ATAD3B: variants seen among roughly 807,000 people sequenced by gnomAD.
The protein encoded by ATAD3B is ATPase family AAA domain-containing protein 3B.
In ATAD3B, 59 loss-of-function variants were observed where a neutral mutation model predicts 70.2. That is an observed-to-expected ratio of 0.84 (90% CI 0.68 to 1.04). The LOEUF (loss-of-function observed/expected upper bound fraction) is 1.04, where lower values mean the gene tolerates loss of function less well. Among genes scored for constraint, ATAD3B ranks in the 50% least tolerant of loss-of-function variants. The pLI is 0.00. For synonymous variants in ATAD3B, 423 were observed against 388.6 expected (o/e 1.09, Z -1.04); for missense variants, 961 against 913.4 (o/e 1.05, Z -0.67).
At chr1:1,483,326 C>G (rs1423702150) in intron 7 of ATAD3B, among the ~76,000 whole-genome samples, 2 of 151,408 alleles carry the variant, frequency 1.3e-5, no homozygotes. Context: ...AATTAGCAGG[C>G]CAAGGTGGCG....
intron 1 of ATAD3B, among the ~76,000 whole-genome samples, chr1:1,475,037 A>G (rs865962164): frequency 5.4e-5 from 8 of 148,922 alleles, no homozygotes; most frequent in African/African-American, 1.3e-4. Context: ...GCAGTGGTAC[A>G]GGCCTGGTTG....
chr1:1,503,954 TTTGCA>T, the ATAD3B span, among the ~76,000 whole-genome samples: 16 of 152,042 alleles, frequency 1.1e-4, no homozygotes, highest in Admixed American at 1.3e-4. Flanking sequence ...CAGAATTTTT[TTTGCA>T]TTGCATTGCA....
chr1:1,481,524 G>T (rs1162153060), intron 5 of ATAD3B, among the ~76,000 whole-genome samples: 1 of 63,836 alleles, frequency 1.6e-5, no homozygotes, highest in Non-Finnish European at 3.0e-5. Flanking sequence ...ACAGGTATTT[G>T]GTGCCATGTG....
chr1:1,503,750 T>C, the ATAD3B span: 86 of 1,563,580 alleles, frequency 5.5e-5, no homozygotes, highest in Admixed American at 1.8e-4. Context: ...TGGGTAGGGC[T>C]GGTGGCATGT....
chr1:1,495,634 C>T lies in ATAD3B; in HGVS notation c.1764C>T (p.Val588=), dbSNP rs1187976692. The change falls in exon 16 of 16, where the codon GTC becomes GTT. Residue 588 remains valine, a synonymous_variant. Transcript: ENST00000673477. ...GGGTCGAGCACCCCCTATCCGGAGT[C>T]CAAGGCGAGACCCTCACCTCATGGA... ...GRGVEHPLSG[V]QGETLTSWSL... is the part of the protein sequence containing the mutation. The T allele has an allele frequency of 1.2e-6, 2 of 1,612,922 alleles. No individual in the cohort carries two copies. The highest frequency in any genetic ancestry group is 2.2e-5 in the East Asian group (1 of 44,876).
the ATAD3B span, chr1:1,509,239 C>T: frequency 9.3e-6 from 15 of 1,612,928 alleles, no homozygotes; most frequent in Admixed American, 1.0e-4. Flanking sequence ...GGGGTCCTGA[C>T]CGAGGCCATG....
At chr1:1,508,692 T>C in the ATAD3B span, among the ~76,000 whole-genome samples, 4,056 of 150,274 alleles carry the variant, frequency 0.027, 209 homozygotes, top group African/African-American at 0.067. Context: ...GCTCCAGCCT[T>C]CACATGCTAG....
the ATAD3B span, chr1:1,503,470 G>A: frequency 2.1e-6 from 2 of 935,198 alleles, no homozygotes; most frequent in Admixed American, 4.2e-5. Context: ...AGGGCTGGGG[G>A]CTTTGAGGTC....
At chr1:1,500,453 G>C (rs1202936531), downstream of ATAD3B, among the ~76,000 whole-genome samples, 1 of 149,158 alleles carries the variant, frequency 6.7e-6, no homozygotes, top group African/African-American at 2.4e-5. Flanking sequence ...TCAGGAGGCT[G>C]AGGCAGGAGA....
Position 1,495,533 on chromosome 1 carries a change from G to C in ATAD3B, c.1663G>C (p.Asp555His). The C allele has an allele frequency of 6.2e-7, 1 of 1,612,624 alleles. No individual in the cohort carries two copies. Among genetic ancestry groups the C allele is most frequent in the Non-Finnish European group, 8.5e-7 (1 of 1,179,014 alleles). Residue 555 changes from aspartate (D) to histidine (H), a missense_variant, in exon 16 of 16, where the codon GAC (aspartate) becomes CAC (histidine). Around this residue, in one of 4 missense-constraint regions of ATAD3B, gnomAD observed 417 missense variants for 335.0 expected, o/e 1.24. Transcript: ENST00000673477. Reference sequence around the variant, plus strand: ...CGGGGTCCTCACTGAGGCCATGATGGACGCCTGTGTGCAAGATGCTGTCCA... The same window carrying C: ...CGGGGTCCTCACTGAGGCCATGATGCACGCCTGTGTGCAAGATGCTGTCCA... ...KDGVLTEAMMDACVQDAVQQY... is the reference protein window; with the variant it reads ...KDGVLTEAMMHACVQDAVQQY...
In ATAD3B at chr1:1,495,787, G is replaced by A. The variant is rs151150667; in HGVS notation, c.1917G>A (p.Pro639=). The A allele has an allele frequency of 1.3e-4, 215 of 1,597,692 alleles. No individual in the cohort carries two copies. The African/African-American group carries it at 1.8e-3, about 14-fold the overall frequency. Residue 639 remains proline, a synonymous_variant, in exon 16 of 16, where the codon CCG becomes CCA. Transcript: ENST00000673477. The part of the protein sequence containing the change: ...SPRMSCGGGR[P]FCPPGHPLL ...GGATGTCTTGTGGTGGCGGTCGGCC[G>A]TTCTGCCCCCCAGGGCACCCCCTGT... is the stretch of plus-strand genomic sequence containing the variant.
chr1:1,505,605 C>T, the ATAD3B span, among the ~76,000 whole-genome samples: 7 of 152,266 alleles, frequency 4.6e-5, no homozygotes, highest in African/African-American at 9.6e-5. Context: ...GCTTAGGTCA[C>T]GGGTGCCTTC....
chr1:1,489,488 C>T, intron 13 of ATAD3B: 3 of 1,042,010 alleles, frequency 2.9e-6, no homozygotes, highest in Non-Finnish European at 4.1e-6. Flanking sequence ...GGGGTCAGTC[C>T]TGTCTTCACG....
chr1:1,478,425 G>C, intron 2 of ATAD3B: 1 of 1,515,734 alleles, frequency 6.6e-7, no homozygotes, highest in South Asian at 1.3e-5. Context: ...CTCCCCGGGG[G>C]CCTTCGCAGG....
chr1:1,499,261 G>A (rs1640889082), downstream of ATAD3B, among the ~76,000 whole-genome samples: 2 of 149,890 alleles, frequency 1.3e-5, no homozygotes, highest in South Asian at 2.1e-4. Flanking sequence ...GTGAGCCAGT[G>A]CGCCCGGCCT....
At chr1:1,493,623 A>AT (rs564219609) in intron 15 of ATAD3B, among the ~76,000 whole-genome samples, 251 of 146,734 alleles carry the variant, frequency 1.7e-3, no homozygotes, top group African/African-American at 4.3e-3. Context: ...GACCAGTTGA[A>AT]TTTTTTTTTT....
chr1:1,489,100 C>T, intron 12 of ATAD3B, 104 bp from the exon 13 acceptor site: 5 of 1,574,920 alleles, frequency 3.2e-6, no homozygotes, highest in Middle Eastern at 3.7e-4. Context: ...GAAAGTGTCG[C>T]CACGTCCCTG....
At chr1:1,485,665 C>A (rs538528573) in intron 8 of ATAD3B, 117 bp from the exon 9 acceptor site, 1 of 1,499,864 alleles carries the variant, frequency 6.7e-7, no homozygotes, top group Non-Finnish European at 9.1e-7. Context: ...CGGGCCGGTC[C>A]TGGCTGTGCT....
intron 15 of ATAD3B, among the ~76,000 whole-genome samples, chr1:1,491,904 T>C (rs1365050682): frequency 8.6e-5 from 13 of 151,808 alleles, no homozygotes; most frequent in Non-Finnish European, 1.6e-4. Context: ...AAGTGGAGGC[T>C]GGGTATGGTG....
Sources: gnomAD v4.1 joint callset for allele counts (sites outside exome capture counted in the v4.1 genomes callset) on GRCh38, gnomAD v4.1.1 for gene constraint, gnomAD v4.1.1 regional missense constraint, MANE v1.5 for transcripts, NCBI Gene and HGNC (gene_info 2026-07-23, HGNC 2026-07-21) for gene names.